Variants in ITGB1BP1 observed in about 807,000 individuals in gnomAD.
ITGB1BP1 encodes integrin beta-1-binding protein 1.
A neutral mutation model predicts 28.0 loss-of-function variants in ITGB1BP1; 20 were observed. The observed-to-expected ratio is 0.71, with a 90% confidence interval of 0.50 to 1.04. The LOEUF (loss-of-function observed/expected upper bound fraction) is 1.04, where lower values mean the gene tolerates loss of function less well. Among genes scored for constraint, ITGB1BP1 ranks in the 50% least tolerant of loss-of-function variants. ITGB1BP1 has a pLI of 0.00. For missense variants in ITGB1BP1, 228 were observed against 242.5 expected (o/e 0.94, Z 0.40); for synonymous variants, 103 against 89.5 (o/e 1.15, Z -0.85).
At chr2:9,421,551 G>T (rs1298690035) in intron 1 of ITGB1BP1, among the ~76,000 whole-genome samples, 1 of 152,094 alleles carries the variant, frequency 6.6e-6, no homozygotes, top group African/African-American at 2.4e-5. Flanking sequence ...GCTGTGCGTG[G>T]TGGTGGGCGC....
intron 3 of ITGB1BP1, 193 bp from the exon 4 acceptor site, chr2:9,412,598 G>T: frequency 1.9e-6 from 1 of 536,410 alleles, no homozygotes; most frequent in Non-Finnish European, 3.3e-6. Flanking sequence ...GTGACTCATG[G>T]TATACTAAAT....
At chr2:9,422,011 C>G (rs1246686085) in intron 1 of ITGB1BP1, among the ~76,000 whole-genome samples, 1 of 152,172 alleles carries the variant, frequency 6.6e-6, no homozygotes, top group East Asian at 1.9e-4. Context: ...GGCACAGACA[C>G]TATTTTTTTA....
In ITGB1BP1 at chr2:9,414,191, G is replaced by A. The variant is rs774950452; in HGVS notation, c.138C>T (p.Ser46=). The A allele has an allele frequency of 1.2e-6, 2 of 1,613,766 alleles. No homozygotes were observed. The highest frequency in any genetic ancestry group is 1.1e-5 in the South Asian group (1 of 91,070). ...SSTVASLDTD[S]TKSSGQSNNN... is the part of the protein sequence containing the mutation. Reference sequence around the variant, plus strand: ...CCTTTTATGTACCTGAGCTTTTGGTGGAATCTGTGTCGAGGCTGGCCACAG... The same window carrying A: ...CCTTTTATGTACCTGAGCTTTTGGTAGAATCTGTGTCGAGGCTGGCCACAG... The change falls in exon 3 of 7, where the codon TCC becomes TCT. Residue 46 remains serine (S), a synonymous_variant. Transcript: ENST00000355346.
In ITGB1BP1 at chr2:9,412,266, T is replaced by TA. The variant is rs1678530390; in HGVS notation, c.288+2dup. Reference sequence around the variant, plus strand: ...AGAGAGTTACGGAATTTTTTTTTTTTACCTGGGCAACGTCTATATAATTTA... The same window carrying TA: ...AGAGAGTTACGGAATTTTTTTTTTTTAACCTGGGCAACGTCTATATAATTTA... On this transcript the variant is annotated splice_region_variant and intron_variant, in intron 4 of 6. Coordinates refer to ENST00000355346, the MANE Select transcript of ITGB1BP1 (RefSeq NM_004763.5). 1 of 1,605,334 alleles carries TA rather than the reference T, an allele frequency of 6.2e-7. No individual in the cohort carries two copies. The highest frequency in any genetic ancestry group is 8.5e-7 in the Non-Finnish European group (1 of 1,177,494).
At chr2:9,416,019 C>T (rs1679087703) in intron 2 of ITGB1BP1, among the ~76,000 whole-genome samples, 1 of 152,160 alleles carries the variant, frequency 6.6e-6, no homozygotes, top group African/African-American at 2.4e-5. Flanking sequence ...CACCCCGGTC[C>T]TGGGACTGAG....
At chr2:9,407,393 T>C in intron 6 of ITGB1BP1, 56 bp downstream of exon 6, 1 of 1,591,916 alleles carries the variant, frequency 6.3e-7, no homozygotes, top group East Asian at 2.2e-5. Context: ...AAAACAGTAG[T>C]CCCTGGGTGT....
intron 1 of ITGB1BP1, among the ~76,000 whole-genome samples, chr2:9,421,685 T>A (rs1396007149): frequency 7.9e-6 from 1 of 126,888 alleles, no homozygotes; most frequent in African/African-American, 3.6e-5. Context: ...AGACTCCGTC[T>A]CAAAAAAAAA....
chr2:9,404,783 A>C lies in ITGB1BP1; in HGVS notation c.*2051T>G, dbSNP rs564134420. On this transcript the variant is annotated 3_prime_UTR_variant, in exon 7 of 7. Transcript: ENST00000355346. Reference sequence around the variant, plus strand: ...GTACTTTTTGTTTTTGTTATAAAGGAAGACAGAACAAACTGGAATGTTTTA... The same window carrying C: ...GTACTTTTTGTTTTTGTTATAAAGGCAGACAGAACAAACTGGAATGTTTTA... 6.6e-6 allele frequency: 1 copy of C among 152,180 alleles called. No homozygotes were observed. Among genetic ancestry groups the C allele is most frequent in the Non-Finnish European group, 1.5e-5 (1 of 67,996 alleles). 9.4% of individuals were successfully genotyped at this position (152,180 alleles called of 1,614,324 possible).
At chr2:9,409,245 G>A (rs1312917681) in intron 4 of ITGB1BP1, among the ~76,000 whole-genome samples, 1 of 152,196 alleles carries the variant, frequency 6.6e-6, no homozygotes, top group African/African-American at 2.4e-5. Context: ...ACTGTCAATG[G>A]TTTTGTGGAA....
Position 9,412,184 on chromosome 2 carries a change from C to T in ITGB1BP1, c.288+85G>A, listed in dbSNP as rs1272541461. 3.1e-5 allele frequency: 38 copies of T among 1,223,142 alleles called. No homozygotes were observed. In the East Asian group the frequency reaches 6.0e-4, roughly 19 times the overall value. The allele number at this position is 1,223,142 out of a possible 1,614,324, so 75.8% of individuals were successfully genotyped here. ...CAAGCGGAGCGGCACCCAGTGGACC[C>T]GAGGAGTGAGCATTTTGCCCCAAAG... On this transcript the variant is annotated intron_variant, in intron 4 of 6. Coordinates refer to ENST00000355346, the MANE Select transcript of ITGB1BP1 (RefSeq NM_004763.5).
chr2:9,414,481 A>G (rs1678874274), intron 2 of ITGB1BP1, among the ~76,000 whole-genome samples: 1 of 152,250 alleles, frequency 6.6e-6, no homozygotes, highest in Non-Finnish European at 1.5e-5. Context: ...CCATGACATA[A>G]TATCGGATAA....
intron 2 of ITGB1BP1, among the ~76,000 whole-genome samples, chr2:9,416,921 A>T (rs961826460): frequency 1.3e-5 from 2 of 151,878 alleles, no homozygotes; most frequent in African/African-American, 4.8e-5. Context: ...TCTTTTCCTC[A>T]TACTCCACAA....
Position 9,423,367 on chromosome 2 carries a change from G to C in ITGB1BP1, c.-36+6C>G, listed in dbSNP as rs1164495934. 8.5e-7 allele frequency: 1 copy of C among 1,170,256 alleles called. No homozygotes were observed. The allele number at this position is 1,170,256 out of a possible 1,614,324, so 72.5% of individuals were successfully genotyped here. A position where few individuals can be genotyped will look rare whatever the true frequency, so the allele number is the denominator to read the frequency against. On this transcript the variant is annotated splice_donor_region_variant and intron_variant, in intron 1 of 6. Coordinates refer to ENST00000355346, the MANE Select transcript of ITGB1BP1 (RefSeq NM_004763.5). ...GCCCCAAGCGGGACGAGGGCTGGGCGCTCACCTCGCAGCCGCGGGCCCATC... is the reference window on the plus strand; with the variant it reads ...GCCCCAAGCGGGACGAGGGCTGGGCCCTCACCTCGCAGCCGCGGGCCCATC...
intron 3 of ITGB1BP1, 44 bp from the exon 4 acceptor site, chr2:9,412,449 G>A: frequency 6.6e-7 from 1 of 1,516,204 alleles, no homozygotes; most frequent in African/African-American, 1.4e-5. Flanking sequence ...AGAAATATCT[G>A]CATTACAGAG....
At chr2:9,417,561 G>C (rs2148904332) in intron 2 of ITGB1BP1, among the ~76,000 whole-genome samples, 1 of 152,152 alleles carries the variant, frequency 6.6e-6, no homozygotes. Flanking sequence ...TGGGACTACA[G>C]GTGTGTGCCA....
In ITGB1BP1 at chr2:9,407,578, A is replaced by G. The variant is rs747147529; in HGVS notation, c.402T>C (p.Ala134=). 8 of 1,613,966 alleles carry G rather than the reference A, an allele frequency of 5.0e-6. No individual in the cohort carries two copies. The highest frequency in any genetic ancestry group is 1.3e-5 in the African/African-American group (1 of 74,886). ...SDQYDVLHRH[A]LYLIIRMVCY... ...ACACCATCCGGATTATTAAGTAGAG[A>G]GCATGCCTGTGCAAAACATCCTGCA... Residue 134 remains alanine, a synonymous_variant, in exon 6 of 7, where the codon GCT becomes GCC. Transcript: ENST00000355346.
chr2:9,407,473 C>T lies in ITGB1BP1; in HGVS notation c.507G>A (p.Leu169=), dbSNP rs1188317178. 2 of 1,614,094 alleles carry T rather than the reference C, an allele frequency of 1.2e-6. No individual in the cohort carries two copies. Among genetic ancestry groups the T allele is most frequent in the African/African-American group, 1.3e-5 (1 of 74,938 alleles). The change falls in exon 6 of 7, where the codon CTG becomes CTA. Residue 169 remains leucine, a synonymous_variant. Transcript: ENST00000355346. ...CCAGGCTGTTGCACTGATAAACCCA[C>T]AGGCTGTATTCCTCATTGCTTGCAT... The part of the protein sequence containing the change: ...TTDASNEEYS[L]WVYQCNSLEQ...
intron 4 of ITGB1BP1, among the ~76,000 whole-genome samples, chr2:9,411,764 C>T (rs563999245): frequency 1.7e-4 from 25 of 150,676 alleles, no homozygotes; most frequent in Non-Finnish European, 2.8e-4. Flanking sequence ...TACTGTGGGC[C>T]GGCCACAGTG....
In ITGB1BP1 at chr2:9,404,814, T is replaced by C. The variant is rs1454720966; in HGVS notation, c.*2020A>G. On this transcript the variant is annotated 3_prime_UTR_variant, in exon 7 of 7. Coordinates refer to ENST00000355346, the MANE Select transcript of ITGB1BP1 (RefSeq NM_004763.5). ...GAACAAACTGGAATGTTTTATGATGTTGTATAGCAATCGCTTTTTACCTTT... is the reference window on the plus strand; with the variant it reads ...GAACAAACTGGAATGTTTTATGATGCTGTATAGCAATCGCTTTTTACCTTT... 6.6e-6 allele frequency: 1 copy of C among 152,566 alleles called. No individual in the cohort carries two copies. The highest frequency in any genetic ancestry group is 1.5e-5 in the Non-Finnish European group (1 of 68,038). The allele number at this position is 152,566 out of a possible 1,614,324, so 9.5% of individuals were successfully genotyped here.
Sources: gnomAD v4.1 joint callset for allele counts (sites outside exome capture counted in the v4.1 genomes callset) on GRCh38, gnomAD v4.1.1 for gene constraint, MANE v1.5 for transcripts, NCBI Gene and HGNC (gene_info 2026-07-23, HGNC 2026-07-21) for gene names.